Variants in SNTG1 observed in about 807,000 individuals in gnomAD.
SNTG1 encodes gamma-1-syntrophin.
In SNTG1, 39 loss-of-function variants were observed where a neutral mutation model predicts 74.7. The ratio of observed to expected loss-of-function variants is 0.52; its 90% CI spans 0.40 to 0.68. SNTG1 has a LOEUF of 0.68. SNTG1 is among the 30% of genes least tolerant of loss of function. The pLI, the probability that SNTG1 is intolerant of heterozygous loss-of-function variation, is 0.00. For missense variants in SNTG1, 685 were observed against 609.5 expected (o/e 1.12, Z -1.30); for synonymous variants, 254 against 217.1 (o/e 1.17, Z -1.49).
intron 9 of SNTG1, among the ~76,000 whole-genome samples, chr8:50,517,537 A>G (rs1192498484): frequency 6.6e-6 from 1 of 150,794 alleles, no homozygotes; most frequent in East Asian, 2.0e-4. Context: ...TGCTGTATTC[A>G]GGAGACCTAT....
intron 2 of SNTG1, among the ~76,000 whole-genome samples, chr8:50,302,944 C>T (rs2089717187): frequency 6.6e-6 from 1 of 152,128 alleles, no homozygotes; most frequent in African/African-American, 2.4e-5. Flanking sequence ...AAAAGCTTTG[C>T]TGAGATGCTT....
chr8:49,938,593 TTTTCTTTTCTTTTCTTTCTTTCTTTC>T (rs1808336542), intron 1 of SNTG1, among the ~76,000 whole-genome samples: 2 of 21,214 alleles, frequency 9.4e-5, no homozygotes, highest in Admixed American at 6.8e-4. Context: ...TTTTCTTTTC[TTTTCTTTTCTTTTCTTTCTTTCTTTC>T]TTTCTTTCTT....
chr8:50,667,261 T>C (rs1240192728), intron 15 of SNTG1, among the ~76,000 whole-genome samples: 1 of 152,128 alleles, frequency 6.6e-6, no homozygotes, highest in Non-Finnish European at 1.5e-5. Context: ...TGGCAGGTAT[T>C]AGTAGAAACT....
chr8:50,689,629 G>A (rs578053700), intron 15 of SNTG1, among the ~76,000 whole-genome samples: 2 of 152,288 alleles, frequency 1.3e-5, no homozygotes. Context: ...GCTGTTTGAT[G>A]TGCTGCTGGA....
At chr8:50,664,076 C>T (rs762829853) in intron 15 of SNTG1, among the ~76,000 whole-genome samples, 5 of 152,104 alleles carry the variant, frequency 3.3e-5, no homozygotes, top group Non-Finnish European at 7.3e-5. Flanking sequence ...TGTTACACGT[C>T]TCAAAATTTA....
chr8:50,173,038 T>A (rs2082866730), intron 2 of SNTG1, among the ~76,000 whole-genome samples: 1 of 152,130 alleles, frequency 6.6e-6, no homozygotes, highest in South Asian at 2.1e-4. Context: ...CACATTTCAG[T>A]GAGCTGCGAT....
At chr8:50,104,171 G>A (rs1394901350) in intron 1 of SNTG1, among the ~76,000 whole-genome samples, 2 of 152,160 alleles carry the variant, frequency 1.3e-5, no homozygotes, top group Non-Finnish European at 2.9e-5. Flanking sequence ...GTAGAATTCA[G>A]CTGTGAATCC....
At chr8:50,494,166 T>A (rs997132171) in intron 8 of SNTG1, among the ~76,000 whole-genome samples, 1 of 151,292 alleles carries the variant, frequency 6.6e-6, no homozygotes, top group Admixed American at 6.6e-5. Context: ...TATATATATG[T>A]ACACACACAC....
At chr8:50,791,017 GTTGT>G (rs1472577251) in intron 18 of SNTG1, among the ~76,000 whole-genome samples, 1 of 151,866 alleles carries the variant, frequency 6.6e-6, no homozygotes, top group Non-Finnish European at 1.5e-5. Flanking sequence ...TTTTGTTGTT[GTTGT>G]TTTATTTTTT....
chr8:50,546,722 T>G (rs557031769), intron 11 of SNTG1, among the ~76,000 whole-genome samples: 131 of 152,270 alleles, frequency 8.6e-4, no homozygotes, highest in African/African-American at 3.1e-3. Context: ...TCATCATTTT[T>G]TATGGCTGCA....
chr8:50,364,685 A>G (rs1440184503), intron 2 of SNTG1, among the ~76,000 whole-genome samples: 4 of 152,066 alleles, frequency 2.6e-5, no homozygotes, highest in African/African-American at 7.2e-5. Context: ...TTCAAGATCA[A>G]TACCTCCATC....
At chr8:50,161,551 T>C (rs1394146147) in intron 1 of SNTG1, among the ~76,000 whole-genome samples, 1 of 152,064 alleles carries the variant, frequency 6.6e-6, no homozygotes, top group Admixed American at 6.6e-5. Context: ...CTAGGGACTT[T>C]CCAAGAGGAC....
At chr8:50,787,844 A>G (rs2131857654) in intron 18 of SNTG1, among the ~76,000 whole-genome samples, 1 of 152,174 alleles carries the variant, frequency 6.6e-6, no homozygotes, top group African/African-American at 2.4e-5. Context: ...CTGAAGAGAG[A>G]GGAAATGAGG....
At position 50,701,730 on chromosome 8, in the gene SNTG1, C is replaced by CTTCT. The variant is rs1363283376; in HGVS notation, c.1039-2868_1039-2867insCTTT. ...TCTTCATCTTCCTCTTTTTCTTCTT[C>CTTCT]TTTTTCTTTTTCTTCTCCTTCTTCT... is the stretch of plus-strand genomic sequence containing the variant. On this transcript the variant is annotated intron_variant, in intron 15 of 18. Coordinates refer to ENST00000642720, the MANE Select transcript of SNTG1 (RefSeq NM_018967.5). 1.5e-5 allele frequency among the ~76,000 whole-genome samples: 2 copies of CTTCT among 130,854 alleles called. 1 individual carries two copies. The allele number at this position is 130,854 out of a possible 152,430, so 85.8% of individuals were successfully genotyped here.
chr8:49,967,478 G>T (rs1226306816), intron 1 of SNTG1, among the ~76,000 whole-genome samples: 1 of 152,138 alleles, frequency 6.6e-6, no homozygotes, highest in Non-Finnish European at 1.5e-5. Flanking sequence ...CATACGTGGT[G>T]ATGCAAGTTT....
At chr8:50,503,274 G>C (rs998541283) in intron 9 of SNTG1, among the ~76,000 whole-genome samples, 1 of 152,060 alleles carries the variant, frequency 6.6e-6, no homozygotes, top group African/African-American at 2.4e-5. Flanking sequence ...GAAAAAAAGC[G>C]TTTGCCTTTG....
chr8:50,137,769 C>T (rs1291271850), intron 1 of SNTG1, among the ~76,000 whole-genome samples: 1 of 152,118 alleles, frequency 6.6e-6, no homozygotes, highest in Non-Finnish European at 1.5e-5. Flanking sequence ...TGTTCTGAGG[C>T]AGCATCAACA....
chr8:50,621,636 C>T lies in SNTG1; in HGVS notation c.849+30719C>T, dbSNP rs2220100. On this transcript the variant is annotated intron_variant, in intron 13 of 18. Coordinates refer to ENST00000642720, the MANE Select transcript of SNTG1 (RefSeq NM_018967.5). ...AAAAGAAACTATTGATTTGTAATTCCTCAGCCTGAGACAGCCAACAGACAA... is the reference window on the plus strand; with the variant it reads ...AAAAGAAACTATTGATTTGTAATTCTTCAGCCTGAGACAGCCAACAGACAA... Among the ~76,000 whole-genome samples the T allele has an allele frequency of 7.0e-3, 1,068 of 152,160 alleles. 15 individuals are homozygous for T. Among genetic ancestry groups the T allele is most frequent in the African/African-American group, 0.025 (1,019 of 41,494 alleles).
At chr8:50,177,012 C>G (rs1222480111) in intron 2 of SNTG1, among the ~76,000 whole-genome samples, 1 of 152,044 alleles carries the variant, frequency 6.6e-6, no homozygotes, top group African/African-American at 2.4e-5. Context: ...CCATTGGCAG[C>G]CTCTCAGGAC....
Sources: allele counts gnomAD v4.1 joint callset (sites outside exome capture counted in the v4.1 genomes callset), GRCh38; gene constraint gnomAD v4.1.1; transcripts MANE v1.5; gene names NCBI Gene and HGNC (gene_info 2026-07-23, HGNC 2026-07-21).